Variants in EXOSC7 observed in about 807,000 individuals in gnomAD.
EXOSC7 encodes exosome complex component RRP42.
Under a neutral mutation model 34.3 loss-of-function variants are expected in EXOSC7, and 25 were observed. The observed-to-expected ratio is 0.73, with a 90% CI of 0.53 to 1.02. EXOSC7 has a LOEUF of 1.02. Among genes scored for constraint, EXOSC7 ranks in the 50% least tolerant of loss-of-function variants. The pLI is 0.00. For missense variants in EXOSC7, 370 were observed against 368.5 expected (o/e 1.00, Z -0.03); for synonymous variants, 130 against 143.0 (o/e 0.91, Z 0.65).
At chr3:44,991,934 G>A (rs1052299854) in intron 3 of EXOSC7, among the ~76,000 whole-genome samples, 3 of 152,092 alleles carry the variant, frequency 2.0e-5, no homozygotes, top group African/African-American at 4.8e-5. Flanking sequence ...TAATCAGCCG[G>A]GCAAGTAGAA....
At chr3:44,986,624 G>A (rs1281717018) in intron 1 of EXOSC7, among the ~76,000 whole-genome samples, 11 of 152,254 alleles carry the variant, frequency 7.2e-5, no homozygotes, top group Admixed American at 2.0e-4. Flanking sequence ...GAGAGCAAGC[G>A]AGGGCTGTGA....
intron 5 of EXOSC7, chr3:45,004,829 G>GTTTTTAAA (rs1706988730): frequency 6.6e-6 from 1 of 152,320 alleles, no homozygotes; most frequent in Non-Finnish European, 1.5e-5. Flanking sequence ...TATATTTTTA[G>GTTTTTAAA]TTTTTAAATG....
intron 1 of EXOSC7, among the ~76,000 whole-genome samples, chr3:44,986,878 A>C (rs1038849073): frequency 4.6e-5 from 7 of 152,232 alleles, no homozygotes; most frequent in African/African-American, 1.7e-4. Flanking sequence ...GCAGTTAGCC[A>C]GGCAGTTTAA....
chr3:44,987,598 T>C (rs1431521869), intron 1 of EXOSC7, among the ~76,000 whole-genome samples: 1 of 152,194 alleles, frequency 6.6e-6, no homozygotes, highest in Non-Finnish European at 1.5e-5. Flanking sequence ...GAGCCTGTGT[T>C]ACAAGTGAGT....
chr3:44,992,464 G>C (rs1165795190), intron 3 of EXOSC7, among the ~76,000 whole-genome samples: 2 of 152,172 alleles, frequency 1.3e-5, no homozygotes, highest in Non-Finnish European at 2.9e-5. Flanking sequence ...AGCCAAGATA[G>C]ACACTGTCGC....
intron 4 of EXOSC7, among the ~76,000 whole-genome samples, chr3:45,001,105 T>C (rs1706863409): frequency 6.6e-6 from 1 of 152,118 alleles, no homozygotes; most frequent in Non-Finnish European, 1.5e-5. Context: ...CAGTCAGCAT[T>C]TCTTAGAAAT....
intron 1 of EXOSC7, among the ~76,000 whole-genome samples, chr3:44,984,521 A>G (rs1706355157): frequency 6.6e-6 from 1 of 152,002 alleles, no homozygotes; most frequent in Admixed American, 6.5e-5. Flanking sequence ...CCTTGTGGCC[A>G]GCCAGTTCAT....
rs113756445 is a variant in EXOSC7, at chr3:44,978,144, A to G, written c.57+1810A>G. On this transcript the variant is annotated intron_variant, in intron 1 of 7. Coordinates refer to ENST00000265564, the MANE Select transcript of EXOSC7 (RefSeq NM_015004.4). ...AAGATCTATGCCAAGGAAGTGGTATAGTTAGTGGAGGTTGAAGTTAAAGTA... is the reference window on the plus strand; with the variant it reads ...AAGATCTATGCCAAGGAAGTGGTATGGTTAGTGGAGGTTGAAGTTAAAGTA... 2.6e-3 allele frequency among the ~76,000 whole-genome samples: 393 copies of G among 152,350 alleles called. 2 individuals are homozygous for G. Among genetic ancestry groups the G allele is most frequent in the African/African-American group, 8.5e-3 (355 of 41,570 alleles).
intron 1 of EXOSC7, among the ~76,000 whole-genome samples, chr3:44,976,806 A>G (rs930565398): frequency 6.6e-6 from 1 of 152,206 alleles, no homozygotes; most frequent in African/African-American, 2.4e-5. Flanking sequence ...AAGGGTTTTT[A>G]AAAAGCGGCT....
intron 4 of EXOSC7, among the ~76,000 whole-genome samples, chr3:44,997,456 T>C (rs1217221316): frequency 1.3e-5 from 2 of 152,204 alleles, no homozygotes; most frequent in East Asian, 1.9e-4. Flanking sequence ...TATAATGCCA[T>C]TCTATGATAA....
chr3:44,989,408 C>T (rs1706509832), intron 2 of EXOSC7, 142 bp from the exon 3 acceptor site: 3 of 804,004 alleles, frequency 3.7e-6, no homozygotes, highest in Admixed American at 2.4e-5. Context: ...AAAGACTGCT[C>T]ACCTCCTCCA....
At chr3:44,985,870 G>A (rs1706395882) in intron 1 of EXOSC7, among the ~76,000 whole-genome samples, 1 of 152,110 alleles carries the variant, frequency 6.6e-6, no homozygotes, top group Non-Finnish European at 1.5e-5. Context: ...CAATCCCTGA[G>A]CTAGACACAA....
At chr3:44,993,087 G>C (rs1245454400) in intron 3 of EXOSC7, among the ~76,000 whole-genome samples, 1 of 152,170 alleles carries the variant, frequency 6.6e-6, no homozygotes, top group Non-Finnish European at 1.5e-5. Flanking sequence ...CCTGGCTGAG[G>C]GGCTGGGGGT....
At chr3:44,976,556 C>T (rs79296608) in intron 1 of EXOSC7, among the ~76,000 whole-genome samples, 2,083 of 152,186 alleles carry the variant, frequency 0.014, 25 homozygotes, top group Non-Finnish European at 0.021. Flanking sequence ...CTATAAGATT[C>T]CGAACCCGGG....
intron 1 of EXOSC7, among the ~76,000 whole-genome samples, chr3:44,983,052 G>A (rs962589280): frequency 6.6e-6 from 1 of 152,088 alleles, no homozygotes; most frequent in Non-Finnish European, 1.5e-5. Context: ...GTTAATGAGG[G>A]GTTAACATAA....
At chr3:45,008,158 A>G (rs1050068863) in intron 7 of EXOSC7, among the ~76,000 whole-genome samples, 2 of 152,138 alleles carry the variant, frequency 1.3e-5, no homozygotes, top group African/African-American at 4.8e-5. Flanking sequence ...CATGTCTGTC[A>G]CCTCACTGGC....
chr3:44,997,452 G>T (rs1706753474), intron 4 of EXOSC7, among the ~76,000 whole-genome samples, 200 bp downstream of exon 4: 1 of 152,040 alleles, frequency 6.6e-6, no homozygotes, highest in African/African-American at 2.4e-5. Context: ...TATATATAAT[G>T]CCATTCTATG....
intron 1 of EXOSC7, among the ~76,000 whole-genome samples, chr3:44,982,303 C>T (rs896290094): frequency 2.6e-5 from 4 of 152,202 alleles, no homozygotes; most frequent in African/African-American, 7.2e-5. Flanking sequence ...GCCTTTGGTT[C>T]AGGCACCTAC....
chr3:44,995,161 T>G (rs1706686339), intron 3 of EXOSC7, among the ~76,000 whole-genome samples: 1 of 152,080 alleles, frequency 6.6e-6, no homozygotes, highest in Non-Finnish European at 1.5e-5. Flanking sequence ...TTTTGTATTA[T>G]TAGTAGAGAC....
Sources: allele counts gnomAD v4.1 joint callset (sites outside exome capture counted in the v4.1 genomes callset), GRCh38; gene constraint gnomAD v4.1.1; transcripts MANE v1.5; gene names NCBI Gene and HGNC (gene_info 2026-07-23, HGNC 2026-07-21).